NAT1: variants seen among roughly 807,000 people sequenced by gnomAD.
NAT1 encodes the protein N-acetyltransferase 1.
For missense variants in NAT1, 400 were observed against 339.2 expected, an observed-to-expected ratio of 1.18 and a Z score of -1.41; for synonymous variants, 144 against 122.6, an observed-to-expected ratio of 1.17 and a Z score of -1.16.
intron 2 of NAT1, among the ~76,000 whole-genome samples, chr8:18,180,259 G>A (rs546005890): frequency 1.7e-4 from 26 of 152,226 alleles, no homozygotes; most frequent in African/African-American, 6.3e-4. Flanking sequence ...TAGTGCTAGA[G>A]TTGGATTTCA....
chr8:18,193,335 C>T (rs1803093308), intron 2 of NAT1, among the ~76,000 whole-genome samples: 1 of 150,332 alleles, frequency 6.7e-6, no homozygotes, highest in Non-Finnish European at 1.5e-5. Context: ...CACACCTCGA[C>T]CTCCTGTAGC....
At chr8:18,192,600 A>T (rs1277599366) in intron 2 of NAT1, among the ~76,000 whole-genome samples, 2 of 152,212 alleles carry the variant, frequency 1.3e-5, no homozygotes, top group African/African-American at 4.8e-5. Context: ...CAAATGTCCA[A>T]CAATGATAGA....
chr8:18,206,097 A>C (rs1803706396), upstream of NAT1, among the ~76,000 whole-genome samples: 1 of 152,106 alleles, frequency 6.6e-6, no homozygotes. Flanking sequence ...TTCTCTAAGC[A>C]GCTCTCCCTG....
At chr8:18,185,140 T>C (rs1037158142) in intron 2 of NAT1, among the ~76,000 whole-genome samples, 4 of 152,202 alleles carry the variant, frequency 2.6e-5, no homozygotes, top group Non-Finnish European at 5.9e-5. Flanking sequence ...GGAATGTCCG[T>C]ATCAAGTTTG....
At chr8:18,216,903 T>C (rs1804731264) in intron 1 of NAT1, 5 of 1,550,902 alleles carry the variant, frequency 3.2e-6, no homozygotes, top group Admixed American at 2.0e-5. Context: ...CATGCTGTTA[T>C]TACTCTTACA....
chr8:18,219,622 T>C (rs978921895), intron 2 of NAT1, 133 bp downstream of exon 2: 12 of 563,414 alleles, frequency 2.1e-5, no homozygotes, highest in African/African-American at 2.1e-4. Flanking sequence ...CAAGTGGATA[T>C]ATAAAGCTAA....
intron 2 of NAT1, among the ~76,000 whole-genome samples, chr8:18,176,581 T>C (rs1246348783): frequency 1.4e-5 from 2 of 144,486 alleles, no homozygotes; most frequent in Admixed American, 1.4e-4. Context: ...TTTATGCCAG[T>C]GCCATGCTGT....
At chr8:18,180,095 T>C (rs550766938) in intron 2 of NAT1, among the ~76,000 whole-genome samples, 3 of 151,864 alleles carry the variant, frequency 2.0e-5, no homozygotes, top group Non-Finnish European at 4.4e-5. Flanking sequence ...GGTGTGTAGA[T>C]AAGCAAGGAA....
chr8:18,172,385 C>T (rs958447976), intron 2 of NAT1, among the ~76,000 whole-genome samples: 6 of 152,236 alleles, frequency 3.9e-5, no homozygotes, highest in Non-Finnish European at 4.4e-5. Context: ...AAAACGCCTG[C>T]TGGGAAAGTC....
At chr8:18,187,934 TAAACACAC>T (rs1235244160) in intron 2 of NAT1, among the ~76,000 whole-genome samples, 1 of 60,508 alleles carries the variant, frequency 1.7e-5, no homozygotes, top group African/African-American at 4.9e-5. Flanking sequence ...TCTTGTATCT[TAAACACAC>T]ACACACACAC....
chr8:18,208,171 T>C (rs958910043), upstream of NAT1, among the ~76,000 whole-genome samples: 1 of 151,992 alleles, frequency 6.6e-6, no homozygotes, highest in Middle Eastern at 3.2e-3. Context: ...AGCTAATGCA[T>C]GATGGGCTTA....
At chr8:18,212,117 A>G (rs1231749238) in intron 1 of NAT1, 1 of 152,228 alleles carries the variant, frequency 6.6e-6, no homozygotes, top group Non-Finnish European at 1.5e-5. Context: ...CCACTGCTGT[A>G]TATTTAACAC....
intron 2 of NAT1, among the ~76,000 whole-genome samples, chr8:18,178,838 A>C (rs1802392709): frequency 6.6e-6 from 1 of 152,138 alleles, no homozygotes. Flanking sequence ...CTCTCTGTTC[A>C]AATTCTAGAG....
At chr8:18,171,103 G>C (rs1802080477) in intron 2 of NAT1, among the ~76,000 whole-genome samples, 1 of 152,126 alleles carries the variant, frequency 6.6e-6, no homozygotes, top group Non-Finnish European at 1.5e-5. Context: ...GAGAGCATTT[G>C]AGAATCATGA....
chr8:18,180,186 G>C (rs1361821172), intron 2 of NAT1, among the ~76,000 whole-genome samples: 2 of 152,168 alleles, frequency 1.3e-5, no homozygotes, highest in Non-Finnish European at 2.9e-5. Flanking sequence ...TCTGGACCAA[G>C]CCTGGGTGGG....
At chr8:18,172,803 G>C (rs572502192) in intron 2 of NAT1, among the ~76,000 whole-genome samples, 108 of 152,182 alleles carry the variant, frequency 7.1e-4, no homozygotes, top group Non-Finnish European at 1.3e-3. Flanking sequence ...TTGAGACATT[G>C]ACTTCAATTT....
At chr8:18,174,323 C>G (rs999463053) in intron 2 of NAT1, among the ~76,000 whole-genome samples, 3 of 152,094 alleles carry the variant, frequency 2.0e-5, no homozygotes, top group African/African-American at 7.2e-5. Flanking sequence ...TCAGTCCCTG[C>G]CCTTGCTAAT....
chr8:18,180,635 A>G (rs934721741), intron 2 of NAT1, among the ~76,000 whole-genome samples: 1 of 152,220 alleles, frequency 6.6e-6, no homozygotes, highest in African/African-American at 2.4e-5. Context: ...ATAGTACAAA[A>G]TATCTAAAAC....
chr8:18,186,683 T>C (rs1802749643), intron 2 of NAT1, among the ~76,000 whole-genome samples: 1 of 152,208 alleles, frequency 6.6e-6, no homozygotes, highest in Non-Finnish European at 1.5e-5. Flanking sequence ...TTTTCTTTTC[T>C]CCATTGTTTG....
Sources: allele counts gnomAD v4.1 joint callset (sites outside exome capture counted in the v4.1 genomes callset), GRCh38; gene constraint gnomAD v4.1.1; transcripts MANE v1.5; gene names NCBI Gene and HGNC (gene_info 2026-07-23, HGNC 2026-07-21).